ZYG11A: variants seen among roughly 807,000 people sequenced by gnomAD.
ZYG11A encodes protein zyg-11 homolog A.
ZYG11A carries 62 observed loss-of-function variants against 77.2 expected under a neutral mutation model. The ratio of observed to expected loss-of-function variants is 0.80; its 90% CI spans 0.65 to 0.99. The LOEUF is 0.99. ZYG11A is among the 50% of genes least tolerant of loss of function. ZYG11A has a pLI of 0.00. For synonymous variants in ZYG11A, 315 were observed against 324.6 expected (o/e 0.97, Z 0.32); for missense variants, 828 against 896.8 (o/e 0.92, Z 0.98).
chr1:52,859,315 G>A (rs961850462), intron 3 of ZYG11A, among the ~76,000 whole-genome samples: 1 of 151,846 alleles, frequency 6.6e-6, no homozygotes, highest in East Asian at 1.9e-4. Context: ...CCGTATATGT[G>A]TGAGTCTGTT....
At chr1:52,873,091 G>A (rs776009373) in intron 8 of ZYG11A, among the ~76,000 whole-genome samples, 2 of 151,852 alleles carry the variant, frequency 1.3e-5, no homozygotes, top group Admixed American at 6.6e-5. Context: ...AGGCCAAGGC[G>A]AGCAGATTAC....
At chr1:52,889,440 A>T (rs1392760860) in intron 13 of ZYG11A, among the ~76,000 whole-genome samples, 2 of 140,708 alleles carry the variant, frequency 1.4e-5, no homozygotes, top group Non-Finnish European at 3.2e-5. Flanking sequence ...CTTTTAAATT[A>T]AAAAAAAAAA....
intron 8 of ZYG11A, among the ~76,000 whole-genome samples, chr1:52,869,559 GGGTAA>G (rs1220898583): frequency 6.6e-6 from 1 of 151,758 alleles, no homozygotes; most frequent in Non-Finnish European, 1.5e-5. Context: ...ACAGGGTTGG[GGGTAA>G]GGTCATAGAT....
intron 1 of ZYG11A, among the ~76,000 whole-genome samples, chr1:52,844,428 A>C (rs1645523557): frequency 6.6e-6 from 1 of 152,138 alleles, no homozygotes. Flanking sequence ...TTGGAATCGA[A>C]ACAAGATTTC....
At chr1:52,851,695 C>T (rs958564859) in intron 1 of ZYG11A, among the ~76,000 whole-genome samples, 7 of 151,554 alleles carry the variant, frequency 4.6e-5, no homozygotes, top group African/African-American at 7.3e-5. Context: ...CCACCATGCC[C>T]GGCACACAGT....
intron 8 of ZYG11A, among the ~76,000 whole-genome samples, chr1:52,874,649 G>T (rs576006596): frequency 3.4e-4 from 52 of 152,120 alleles, no homozygotes; most frequent in African/African-American, 1.3e-3. Flanking sequence ...GGCGGATCAT[G>T]TGAGGTTAGG....
rs186167177 is a variant in ZYG11A at position 52,860,959 on chromosome 1, A to G, written c.1149+88A>G. 1.7e-3 allele frequency: 2,243 copies of G among 1,289,634 alleles called. 15 individuals carry two copies. Among genetic ancestry groups the G allele is most frequent in the Non-Finnish European group, 7.9e-4 (739 of 931,394 alleles). 79.9% of individuals were successfully genotyped at this position (1,289,634 alleles called of 1,614,324 possible). On this transcript the variant is annotated intron_variant, in intron 4 of 13. Coordinates refer to ENST00000371528, the MANE Select transcript of ZYG11A (RefSeq NM_001004339.3). ...CGAACCACACTGAATATAATAAATT[A>G]TATGCTTTATTCTATAGTGAGTCAA...
chr1:52,881,605 A>G lies in ZYG11A; in HGVS notation c.1884A>G (p.Thr628=), dbSNP rs1261130689. The change falls in exon 11 of 14, where the codon ACA becomes ACG. Residue 628 remains threonine, a synonymous_variant. Coordinates refer to ENST00000371528, the MANE Select transcript of ZYG11A (RefSeq NM_001004339.3). ...CTGCAGGTATCATAGCCCACCTGAC[A>G]TCTGACAGACAGCTTTGGATATCCC... The part of the protein sequence containing the change: ...YFAAGIIAHL[T]SDRQLWISRD... The G allele has an allele frequency of 1.3e-6, 2 of 1,552,378 alleles. No individual in the cohort carries two copies. Among genetic ancestry groups the G allele is most frequent in the South Asian group, 1.2e-5 (1 of 84,062 alleles).
intron 1 of ZYG11A, among the ~76,000 whole-genome samples, chr1:52,848,366 C>T (rs537590318): frequency 1.9e-4 from 29 of 152,254 alleles, no homozygotes; most frequent in South Asian, 1.2e-3. Flanking sequence ...TCCACTCCCC[C>T]GTCATAAGCT....
chr1:52,882,269 C>T (rs541998131), intron 11 of ZYG11A, among the ~76,000 whole-genome samples: 36 of 152,278 alleles, frequency 2.4e-4, no homozygotes, highest in Admixed American at 1.3e-3. Flanking sequence ...AATTCATTTT[C>T]CCACTTTGGG....
chr1:52,893,108 T>G lies in ZYG11A; in HGVS notation c.*151T>G. On this transcript the variant is annotated 3_prime_UTR_variant, in exon 14 of 14. Coordinates refer to ENST00000371528, the MANE Select transcript of ZYG11A (RefSeq NM_001004339.3). The stretch of plus-strand genomic sequence containing the variant: ...TTATATATGTTACAAAAGGTTGGAT[T>G]TGTATGATAGCTGTAATCCCAAGTC... 1.4e-6 allele frequency: 1 copy of G among 717,542 alleles called. No individual in the cohort carries two copies. 44.4% of individuals were successfully genotyped at this position (717,542 alleles called of 1,614,324 possible).
intron 13 of ZYG11A, among the ~76,000 whole-genome samples, chr1:52,888,414 A>G (rs1646484748): frequency 6.6e-6 from 1 of 152,054 alleles, no homozygotes; most frequent in Admixed American, 6.6e-5. Context: ...CGGGAGTGCA[A>G]TGGTGCTATC....
chr1:52,843,266 G>A (rs898537083), intron 1 of ZYG11A, among the ~76,000 whole-genome samples: 22 of 152,210 alleles, frequency 1.4e-4, no homozygotes, highest in Non-Finnish European at 2.1e-4. Context: ...AGACCGGGGC[G>A]AGCCTCCTCA....
intron 13 of ZYG11A, among the ~76,000 whole-genome samples, chr1:52,889,398 T>G (rs921934255): frequency 1.3e-5 from 2 of 151,418 alleles, no homozygotes; most frequent in African/African-American, 2.4e-5. Flanking sequence ...GACAAATGAG[T>G]ATTTCTTTAA....
intron 13 of ZYG11A, 132 bp downstream of exon 13, chr1:52,887,185 T>A: frequency 2.5e-6 from 1 of 399,860 alleles, no homozygotes; most frequent in Non-Finnish European, 4.5e-6. Flanking sequence ...AAAAAGAAAC[T>A]GAAAAAAGAT....
In ZYG11A at chr1:52,857,028, T is replaced by A; in HGVS notation, c.287T>A (p.Phe96Tyr). Residue 96 changes from phenylalanine (F) to tyrosine (Y), a missense_variant, in exon 3 of 14, where the codon TTC (phenylalanine) becomes TAC (tyrosine). Transcript: ENST00000371528. Reference sequence around the variant, plus strand: ...CTGACTGACAGAACAGCCAGCATTTTCCGAGGCAACCAAATGAAACTGAAG... The same window carrying A: ...CTGACTGACAGAACAGCCAGCATTTACCGAGGCAACCAAATGAAACTGAAG... Reference protein sequence around the residue: ...GKLTDRTASIFRGNQMKLKLV... With the variant: ...GKLTDRTASIYRGNQMKLKLV... 8 of 1,544,648 alleles carry A rather than the reference T, an allele frequency of 5.2e-6. No individual in the cohort carries two copies. Among genetic ancestry groups the A allele is most frequent in the Non-Finnish European group, 7.0e-6 (8 of 1,141,826 alleles).
At chr1:52,883,766 C>T (rs554008194) in intron 11 of ZYG11A, among the ~76,000 whole-genome samples, 2 of 152,032 alleles carry the variant, frequency 1.3e-5, no homozygotes, top group East Asian at 1.9e-4. Flanking sequence ...GCTACTGTTT[C>T]CTGCAAGTTG....
intron 13 of ZYG11A, among the ~76,000 whole-genome samples, chr1:52,892,298 CG>C (rs1329440723): frequency 7.5e-5 from 11 of 147,594 alleles, no homozygotes; most frequent in African/African-American, 2.0e-4. Flanking sequence ...GAGGCCGAGG[CG>C]GGCGGATCAT....
At chr1:52,886,435 C>G (rs1646452212) in intron 12 of ZYG11A, among the ~76,000 whole-genome samples, 1 of 152,162 alleles carries the variant, frequency 6.6e-6, no homozygotes, top group Admixed American at 6.5e-5. Flanking sequence ...GGGTTTAATA[C>G]AGAATGCAAT....
Sources: allele counts gnomAD v4.1 joint callset (sites outside exome capture counted in the v4.1 genomes callset), GRCh38; gene constraint gnomAD v4.1.1; transcripts MANE v1.5; gene names NCBI Gene and HGNC (gene_info 2026-07-23, HGNC 2026-07-21).